CALD1: variants seen among roughly 807,000 people sequenced by gnomAD.
CALD1 encodes the protein caldesmon 1.
CALD1 carries 33 observed loss-of-function variants against 99.9 expected under a neutral mutation model. The observed-to-expected ratio is 0.33, with a 90% CI of 0.25 to 0.44. The LOEUF (loss-of-function observed/expected upper bound fraction) is 0.44, where lower values mean the gene tolerates loss of function less well. Ranked by LOEUF, CALD1 falls within the 20% of genes least tolerant of loss-of-function variation. CALD1 has a pLI of 1.00. For missense variants in CALD1, 861 were observed against 962.1 expected (o/e 0.89, Z 1.39); for synonymous variants, 310 against 325.0 (o/e 0.95, Z 0.50).
chr7:134,778,521 A>G (rs1796974739), upstream of CALD1, among the ~76,000 whole-genome samples: 1 of 152,212 alleles, frequency 6.6e-6, no homozygotes, highest in Non-Finnish European at 1.5e-5. Context: ...CCTGACAAAT[A>G]GTAAGTGCTC....
At chr7:134,940,211 A>G (rs940862942) in intron 6 of CALD1, among the ~76,000 whole-genome samples, 2 of 152,218 alleles carry the variant, frequency 1.3e-5, no homozygotes, top group African/African-American at 2.4e-5. Context: ...ATGAGATGAT[A>G]TAAGTGAAGT....
intron 1 of CALD1, among the ~76,000 whole-genome samples, chr7:134,762,405 G>A (rs1400026938): frequency 6.6e-6 from 1 of 152,212 alleles, no homozygotes; most frequent in Non-Finnish European, 1.5e-5. Flanking sequence ...GGGGAGGAGT[G>A]TTAGAGTTCT....
chr7:134,907,572 A>G (rs1803486725), intron 3 of CALD1, among the ~76,000 whole-genome samples: 1 of 152,194 alleles, frequency 6.6e-6, no homozygotes, highest in Non-Finnish European at 1.5e-5. Flanking sequence ...CATGCAAGTA[A>G]AATTTCCTTG....
At chr7:134,816,015 T>C (rs1174357970) in intron 1 of CALD1, among the ~76,000 whole-genome samples, 2 of 152,304 alleles carry the variant, frequency 1.3e-5, no homozygotes, top group South Asian at 4.1e-4. Flanking sequence ...TCCTCTTAAC[T>C]AGATCCAGAA....
At chr7:134,928,428 C>CAA (rs11355152) in intron 3 of CALD1, among the ~76,000 whole-genome samples, 18 of 55,646 alleles carry the variant, frequency 3.2e-4, no homozygotes, top group South Asian at 9.6e-4. Context: ...GACTGGGTCT[C>CAA]AAAAAAAAAA....
At chr7:134,831,789 G>A (rs796506631) in intron 1 of CALD1, among the ~76,000 whole-genome samples, 25 of 152,258 alleles carry the variant, frequency 1.6e-4, no homozygotes, top group African/African-American at 5.8e-4. Context: ...AATCTGTAGG[G>A]GTCCACAGCA....
the CALD1 span, among the ~76,000 whole-genome samples, chr7:134,728,792 T>C: frequency 3.3e-5 from 5 of 151,840 alleles, no homozygotes; most frequent in African/African-American, 7.3e-5. Context: ...TCCATGAAGC[T>C]CTGATTAAAA....
chr7:134,938,116 T>C (rs1055809565), intron 6 of CALD1, among the ~76,000 whole-genome samples: 1 of 152,224 alleles, frequency 6.6e-6, no homozygotes, highest in African/African-American at 2.4e-5. Flanking sequence ...ATGTTGTCCG[T>C]GGACCAAACT....
At chr7:134,849,085 G>A (rs775135983) in intron 2 of CALD1, among the ~76,000 whole-genome samples, 8 of 152,170 alleles carry the variant, frequency 5.3e-5, no homozygotes, top group South Asian at 4.2e-4. Flanking sequence ...GTTCAGTGAC[G>A]TAAATTGTGA....
intron 3 of CALD1, chr7:134,891,716 T>C (rs376167771): frequency 4.4e-4 from 572 of 1,306,334 alleles, no homozygotes; most frequent in Non-Finnish European, 5.6e-4. Context: ...CTTTCTTTTT[T>C]TTTTTTATAA....
chr7:134,799,003 C>A (rs1383096015), intron 1 of CALD1, among the ~76,000 whole-genome samples: 2 of 152,184 alleles, frequency 1.3e-5, no homozygotes, highest in Non-Finnish European at 2.9e-5. Context: ...CTTTCATTAA[C>A]AAATTGCTTC....
At chr7:134,948,004 G>GTTTTGT (rs1027851642) in intron 8 of CALD1, 64 of 455,572 alleles carry the variant, frequency 1.4e-4, no homozygotes, top group Admixed American at 1.2e-3. Context: ...GCACAGAGAG[G>GTTTTGT]TTTTGTTTTT....
In CALD1 at chr7:134,783,410, A is replaced by G. The variant is rs1797184441; in HGVS notation, c.-130+3661A>G. 6.6e-6 allele frequency among the ~76,000 whole-genome samples: 1 copy of G among 152,216 alleles called. No homozygotes were observed. The highest frequency in any genetic ancestry group is 1.5e-5 in the Non-Finnish European group (1 of 68,038). ...TCTAAGATGAGGCCCAGAGTACAGC[A>G]GAACACTCTAGCACAGATAGGTTCT... On this transcript the variant is annotated intron_variant, in intron 1 of 14. Transcript: ENST00000361675. The surrounding 1 kb of genome is among the most constrained non-coding windows in gnomAD (Gnocchi z 4.3).
chr7:134,935,455 C>A (rs1286075066), intron 5 of CALD1, among the ~76,000 whole-genome samples: 2 of 152,112 alleles, frequency 1.3e-5, no homozygotes, highest in Non-Finnish European at 2.9e-5. Flanking sequence ...ACGAGGAGTG[C>A]CACATCATGC....
At position 134,969,020 on chromosome 7, in the gene CALD1, G is replaced by C. The variant is rs1808873302; in HGVS notation, c.*675G>C. On this transcript the variant is annotated 3_prime_UTR_variant, in exon 15 of 15. Coordinates refer to ENST00000361675, the MANE Select transcript of CALD1 (RefSeq NM_033138.4). ...TGATAGTAGCCTGAACCACATTTTAGATAACTCAATTATGTATGTATGTGC... is the reference window on the plus strand; with the variant it reads ...TGATAGTAGCCTGAACCACATTTTACATAACTCAATTATGTATGTATGTGC... 6.1e-6 allele frequency: 1 copy of C among 164,312 alleles called. No homozygotes were observed. The highest frequency in any genetic ancestry group is 2.4e-5 in the African/African-American group (1 of 41,618). The allele number at this position is 164,312 out of a possible 1,614,324, so 10.2% of individuals were successfully genotyped here.
At chr7:134,828,031 A>G (rs1208189889) in intron 1 of CALD1, among the ~76,000 whole-genome samples, 1 of 152,218 alleles carries the variant, frequency 6.6e-6, no homozygotes, top group Non-Finnish European at 1.5e-5. Context: ...GGTTTCGTTG[A>G]TGTGAACAGA....
chr7:134,932,259 G>C (rs1474573991), intron 4 of CALD1, among the ~76,000 whole-genome samples: 2 of 152,186 alleles, frequency 1.3e-5, no homozygotes, highest in South Asian at 2.1e-4. Context: ...GGGACACTTA[G>C]ATGTCTCTTC....
At chr7:134,968,287 G>C (rs1019948671) in intron 14 of CALD1, 53 bp from the exon 15 acceptor site, 35 of 1,564,998 alleles carry the variant, frequency 2.2e-5, no homozygotes, top group Non-Finnish European at 2.9e-5. Context: ...AACACTGCAG[G>C]CTGTCAGTTT....
intron 1 of CALD1, among the ~76,000 whole-genome samples, chr7:134,773,393 G>A (rs535354050): frequency 6.6e-6 from 1 of 151,466 alleles, no homozygotes; most frequent in Admixed American, 6.6e-5. Flanking sequence ...TCCCACCTCA[G>A]CCTCCCTAGG....
Sources: allele counts gnomAD v4.1 joint callset (sites outside exome capture counted in the v4.1 genomes callset), GRCh38; gene constraint gnomAD v4.1.1; non-coding constraint Gnocchi (gnomAD v3.1); transcripts MANE v1.5; gene names NCBI Gene and HGNC (gene_info 2026-07-23, HGNC 2026-07-21).